The following LRFN2 variants were observed in gnomAD, a reference collection of about 807,000 sequenced individuals.
LRFN2 encodes the protein leucine-rich repeat and fibronectin type-III domain-containing protein 2.
Under a neutral mutation model 37.3 loss-of-function variants are expected in LRFN2, and 18 were observed. The ratio of observed to expected loss-of-function variants is 0.48; its 90% CI spans 0.33 to 0.72. The LOEUF (loss-of-function observed/expected upper bound fraction) is 0.72. LRFN2 is among the 30% of genes least tolerant of loss of function. The probability of loss-of-function intolerance (pLI) is 0.02; values close to 1 mark genes in which losing one functional copy is unlikely to be tolerated. For missense variants in LRFN2, 1,006 were observed against 1,060.7 expected (o/e 0.95, Z 0.72); for synonymous variants, 556 against 466.6 (o/e 1.19, Z -2.47).
intron 1 of LRFN2, among the ~76,000 whole-genome samples, chr6:40,473,905 T>G (rs1202123440): frequency 6.6e-6 from 1 of 152,158 alleles, no homozygotes; most frequent in Non-Finnish European, 1.5e-5. Context: ...AACTAAAAAC[T>G]GGCCGCCTGG....
chr6:40,468,626 C>CA (rs1039607193), intron 1 of LRFN2, among the ~76,000 whole-genome samples: 1 of 151,590 alleles, frequency 6.6e-6, no homozygotes, highest in Non-Finnish European at 1.5e-5. Context: ...GCCTGAAGTT[C>CA]AAAGAGGAAA....
chr6:40,467,470 A>G (rs1453588223), intron 1 of LRFN2, among the ~76,000 whole-genome samples: 1 of 152,128 alleles, frequency 6.6e-6, no homozygotes, highest in Non-Finnish European at 1.5e-5. Flanking sequence ...CAGCTCAGCC[A>G]TGCTCACATC....
At chr6:40,555,448 C>T (rs1046754766) in intron 1 of LRFN2, among the ~76,000 whole-genome samples, 1 of 152,300 alleles carries the variant, frequency 6.6e-6, no homozygotes, top group South Asian at 2.1e-4. Flanking sequence ...GTATTGATCA[C>T]AGACGAACAA....
intron 1 of LRFN2, among the ~76,000 whole-genome samples, chr6:40,458,259 A>C (rs1764275971): frequency 6.6e-6 from 1 of 152,234 alleles, no homozygotes; most frequent in Non-Finnish European, 1.5e-5. Context: ...ACGAATGTAT[A>C]AATTATGCCA....
At chr6:40,492,648 A>G (rs983983188) in intron 1 of LRFN2, among the ~76,000 whole-genome samples, 1 of 152,166 alleles carries the variant, frequency 6.6e-6, no homozygotes, top group Non-Finnish European at 1.5e-5. Flanking sequence ...TCAGGACTGC[A>G]ACAGCCCTGT....
chr6:40,532,100 C>T (rs1050934207), intron 1 of LRFN2, among the ~76,000 whole-genome samples: 1 of 152,212 alleles, frequency 6.6e-6, no homozygotes, highest in Non-Finnish European at 1.5e-5. Context: ...GAACCCACAC[C>T]AGGGACATCT....
intron 2 of LRFN2, among the ~76,000 whole-genome samples, chr6:40,423,198 A>G (rs952930328): frequency 6.6e-6 from 1 of 152,218 alleles, no homozygotes; most frequent in Non-Finnish European, 1.5e-5. Context: ...GGTCTTTCAG[A>G]ACTCCCAATT....
Position 40,432,457 on chromosome 6 carries a change from G to A in LRFN2, c.657C>T (p.Ala219=). Residue 219 remains alanine, a synonymous_variant, in exon 2 of 3, where the codon GCC becomes GCT. Transcript: ENST00000338305. ...LQKLPPDPIF[A]RSQASALTAT... is the part of the protein sequence containing the mutation. ...CTGTCAAAGCCGAAGCCTGGGAGCG[G>A]GCAAAGATGGGATCAGGGGGCAGCT... 2 of 1,614,228 alleles carry A rather than the reference G, an allele frequency of 1.2e-6. No individual in the cohort carries two copies. Among genetic ancestry groups the A allele is most frequent in the African/African-American group, 2.7e-5 (2 of 75,064 alleles).
intron 1 of LRFN2, among the ~76,000 whole-genome samples, chr6:40,532,664 G>A (rs1372974105): frequency 2.0e-5 from 3 of 152,202 alleles, no homozygotes; most frequent in East Asian, 1.9e-4. Context: ...AAGCAGTTCC[G>A]GATTTCCCAG....
chr6:40,510,210 A>C (rs1018046021), intron 1 of LRFN2, among the ~76,000 whole-genome samples: 1 of 151,788 alleles, frequency 6.6e-6, no homozygotes, highest in African/African-American at 2.4e-5. Context: ...TGGGCTTCAC[A>C]GGTAAGGGGT....
chr6:40,420,928 A>G (rs1763214123), intron 2 of LRFN2, among the ~76,000 whole-genome samples: 1 of 152,210 alleles, frequency 6.6e-6, no homozygotes, highest in Admixed American at 6.5e-5. Context: ...ACTGTGGGCA[A>G]TGAGGCCCAC....
chr6:40,391,997 C>G lies in LRFN2; in HGVS notation c.2316G>C (p.Val772=), dbSNP rs757652414. 2 of 1,608,230 alleles carry G rather than the reference C, an allele frequency of 1.2e-6. No homozygotes were observed. Among genetic ancestry groups the G allele is most frequent in the East Asian group, 2.2e-5 (1 of 44,778 alleles). The change falls in exon 3 of 3, where the codon GTG becomes GTC. Residue 772 remains valine, a synonymous_variant. Coordinates refer to ENST00000338305, the MANE Select transcript of LRFN2 (RefSeq NM_020737.3). ...AGCTGCCAAAAGTCCCCCGGGCCCCCACCAGGTCACTCTCCTCAAAGGGCA... is the reference window on the plus strand; with the variant it reads ...AGCTGCCAAAAGTCCCCCGGGCCCCGACCAGGTCACTCTCCTCAAAGGGCA... The part of the protein sequence containing the change: ...MLLPFEESDL[V]GARGTFGSSE...
At chr6:40,520,544 G>A (rs940228115) in intron 1 of LRFN2, among the ~76,000 whole-genome samples, 7 of 152,230 alleles carry the variant, frequency 4.6e-5, no homozygotes, top group Non-Finnish European at 1.0e-4. Context: ...AGCATAGCCA[G>A]AAGCATTGTG....
At chr6:40,426,656 C>A (rs1222652568) in intron 2 of LRFN2, among the ~76,000 whole-genome samples, 4 of 152,132 alleles carry the variant, frequency 2.6e-5, no homozygotes, top group African/African-American at 7.2e-5. Flanking sequence ...TATATGTGTG[C>A]GTGTATGTCT....
intron 1 of LRFN2, among the ~76,000 whole-genome samples, chr6:40,480,007 C>T (rs1359886411): frequency 3.3e-5 from 5 of 152,252 alleles, no homozygotes; most frequent in Non-Finnish European, 7.3e-5. Flanking sequence ...TCTATTTCCC[C>T]TTTTCACGTC....
At chr6:40,448,581 TA>T (rs1197026408) in intron 1 of LRFN2, among the ~76,000 whole-genome samples, 1 of 152,206 alleles carries the variant, frequency 6.6e-6, no homozygotes, top group African/African-American at 2.4e-5. Flanking sequence ...CATAGATGGT[TA>T]AAATATTAAT....
At chr6:40,468,851 T>C (rs557145840) in intron 1 of LRFN2, among the ~76,000 whole-genome samples, 2 of 152,216 alleles carry the variant, frequency 1.3e-5, no homozygotes, top group African/African-American at 2.4e-5. Context: ...GTCGGCCCTA[T>C]GTATCCTCCC....
At chr6:40,526,271 A>C (rs1035399529) in intron 1 of LRFN2, among the ~76,000 whole-genome samples, 1 of 152,246 alleles carries the variant, frequency 6.6e-6, no homozygotes, top group Non-Finnish European at 1.5e-5. Context: ...CCCAGTGAGC[A>C]AAAAGGTCAT....
At chr6:40,407,520 C>T (rs3004073) in intron 2 of LRFN2, among the ~76,000 whole-genome samples, 138,236 of 152,264 alleles carry the variant, frequency 0.91, 64,158 homozygotes, top group East Asian at 1. Context: ...CCTGGGTCAT[C>T]TGGTACCACA....
Sources: allele counts gnomAD v4.1 joint callset (sites outside exome capture counted in the v4.1 genomes callset), GRCh38; gene constraint gnomAD v4.1.1; transcripts MANE v1.5; gene names NCBI Gene and HGNC (gene_info 2026-07-23, HGNC 2026-07-21).